MDN1: variants seen among roughly 807,000 people sequenced by gnomAD.
MDN1 encodes the protein midasin AAA ATPase 1.
In MDN1, 266 loss-of-function variants were observed where a neutral mutation model predicts 669.2. That is an observed-to-expected ratio of 0.40 (90% CI 0.36 to 0.44). The LOEUF is 0.44. Among genes scored for constraint, MDN1 ranks in the 20% least tolerant of loss-of-function variants. The pLI is 1.00. For missense variants in MDN1, 5,940 were observed against 6,754.0 expected (o/e 0.88, Z 4.22); for synonymous variants, 2,385 against 2,457.1 (o/e 0.97, Z 0.87).
At chr6:89,662,366 C>T (rs1809856317) in intron 86 of MDN1, 127 bp from the exon 87 acceptor site, 1 of 884,090 alleles carries the variant, frequency 1.1e-6, no homozygotes, top group Non-Finnish European at 1.7e-6. Flanking sequence ...TGATAAAGTG[C>T]CATCCGTGAC....
At chr6:89,804,411 G>A (rs1172231846) in intron 1 of MDN1, among the ~76,000 whole-genome samples, 1 of 152,158 alleles carries the variant, frequency 6.6e-6, no homozygotes, top group African/African-American at 2.4e-5. Context: ...ACTGGAGTTT[G>A]AGGTACAGGG....
intron 83 of MDN1, among the ~76,000 whole-genome samples, chr6:89,669,426 C>T (rs903140465): frequency 1.4e-4 from 22 of 152,302 alleles, no homozygotes; most frequent in Middle Eastern, 6.8e-3. Context: ...ATCATTACTA[C>T]AGATAAACAT....
chr6:89,715,861 C>G, intron 44 of MDN1, 92 bp from the exon 45 acceptor site: 1 of 821,448 alleles, frequency 1.2e-6, no homozygotes. Flanking sequence ...GCTTTTGACT[C>G]ACATTTCCTT....
Position 89,712,041 on chromosome 6 carries a change from C to T in MDN1, c.7646G>A (p.Gly2549Glu), listed in dbSNP as rs1368765542. Residue 2549 changes from glycine to glutamate, a missense_variant, in exon 49 of 102, where the codon GGG becomes GAG. This residue lies in a region of MDN1 where 2,292 missense variants were observed against 2,638.3 expected (regional missense o/e 0.87). Transcript: ENST00000369393. Reference protein sequence around the residue: ...LYHLAKNIPQGLESIQIHLEA... With the variant: ...LYHLAKNIPQELESIQIHLEA... ...AATTAAGCTGTTCTACTCACCAAGC[C>T]CCTGCGGTATATTCTTGGCTAAATG... 1 of 1,612,856 alleles carries T rather than the reference C, an allele frequency of 6.2e-7. No homozygotes were observed. The highest frequency in any genetic ancestry group is 8.5e-7 in the Non-Finnish European group (1 of 1,179,302).
intron 77 of MDN1, 187 bp downstream of exon 77, chr6:89,675,914 TA>T: frequency 3.5e-6 from 2 of 579,012 alleles, no homozygotes; most frequent in Non-Finnish European, 6.0e-6. Flanking sequence ...TAACTGAATT[TA>T]TTTAAGGTGT....
At chr6:89,803,697 C>A in intron 1 of MDN1, 143 bp from the exon 2 acceptor site, 3 of 642,970 alleles carry the variant, frequency 4.7e-6, no homozygotes, top group Non-Finnish European at 7.9e-6. Flanking sequence ...TTCTCCTGCC[C>A]GAGCCGCCCA....
chr6:89,757,626 T>C (rs551020589), intron 19 of MDN1, among the ~76,000 whole-genome samples: 1 of 152,250 alleles, frequency 6.6e-6, no homozygotes, highest in South Asian at 2.1e-4. Context: ...AATCTATAAA[T>C]AAAGAGAATC....
intron 84 of MDN1, among the ~76,000 whole-genome samples, chr6:89,664,998 C>T (rs956817159): frequency 1.3e-5 from 2 of 152,036 alleles, no homozygotes; most frequent in African/African-American, 4.8e-5. Context: ...CTTGGTCATT[C>T]TTCCTTGGTT....
At position 89,768,273 on chromosome 6, in the gene MDN1, T is replaced by C. The variant is rs932445351; in HGVS notation, c.2144+3288A>G. Among the ~76,000 whole-genome samples, 7 of 152,098 alleles carry C rather than the reference T, an allele frequency of 4.6e-5. No individual in the cohort carries two copies. The South Asian group carries it at 8.3e-4, about 18-fold the overall frequency. On this transcript the variant is annotated intron_variant, in intron 15 of 101. Transcript: ENST00000369393. Reference sequence around the variant, plus strand: ...TGTGCAAGGGACAGGTGGGAGGTAATTGAATCATGGGGGTGGGTCTTTCCC... The same window carrying C: ...TGTGCAAGGGACAGGTGGGAGGTAACTGAATCATGGGGGTGGGTCTTTCCC...
Position 89,680,613 on chromosome 6 carries a change from C to G in MDN1, c.12241G>C (p.Val4081Leu), listed in dbSNP as rs778332731. The change falls in exon 74 of 102, where the codon GTG becomes CTG. Residue 4081 changes from valine to leucine, a missense_variant. By Grantham distance (32) the Val-to-Leu change is conservative. Transcript: ENST00000369393. The stretch of plus-strand genomic sequence containing the variant: ...CCTGTGAACTGATCAAGGCCCTCCA[C>G]AAGGCGAGGCAGGGGGCTCTCCTTC... ...FMKESPLPRL[V>L]EGLDQFTGEV... The G allele has an allele frequency of 2.5e-6, 4 of 1,614,192 alleles. No individual in the cohort carries two copies. The Admixed American group carries it at 6.7e-5, about 27-fold the overall frequency.
Position 89,675,496 on chromosome 6 carries a change from C to G in MDN1, c.12729G>C (p.Leu4243=), listed in dbSNP as rs1320396823. 1 of 1,613,722 alleles carries G rather than the reference C, an allele frequency of 6.2e-7. No homozygotes were observed. Among genetic ancestry groups the G allele is most frequent in the Non-Finnish European group, 8.5e-7 (1 of 1,180,026 alleles). The part of the protein sequence containing the change: ...MKMLVRQRRS[L]TTLSEQWIIL... Reference sequence around the variant, plus strand: ...TGATCCACTGCTCACTGAGCGTGGTCAGGGAGCGCCGCTGTCGGACGAGCA... The same window carrying G: ...TGATCCACTGCTCACTGAGCGTGGTGAGGGAGCGCCGCTGTCGGACGAGCA... The change falls in exon 78 of 102, where the codon CTG becomes CTC. Residue 4243 remains leucine, a synonymous_variant. Transcript: ENST00000369393.
intron 5 of MDN1, 109 bp from the exon 6 acceptor site, chr6:89,790,510 A>T: frequency 6.1e-6 from 8 of 1,313,468 alleles, no homozygotes; most frequent in Non-Finnish European, 7.5e-6. Flanking sequence ...TCTGTAAGTA[A>T]ATTAGTAGTA....
chr6:89,682,573 T>G (rs1021753192), intron 73 of MDN1, among the ~76,000 whole-genome samples: 1 of 151,312 alleles, frequency 6.6e-6, no homozygotes. Context: ...CCAGGCGTGG[T>G]GGTGGGCACC....
intron 31 of MDN1, among the ~76,000 whole-genome samples, chr6:89,741,579 T>C (rs1816302049): frequency 6.6e-6 from 1 of 152,028 alleles, no homozygotes; most frequent in African/African-American, 2.4e-5. Flanking sequence ...CCTTCCCAAT[T>C]GCTCCTATAA....
chr6:89,735,990 T>A (rs2128316105), intron 33 of MDN1, among the ~76,000 whole-genome samples: 1 of 152,276 alleles, frequency 6.6e-6, no homozygotes, highest in Admixed American at 6.5e-5. Flanking sequence ...ATAGCAAGAC[T>A]GTGTCTCAAA....
chr6:89,789,716 A>T (rs1819148973), intron 7 of MDN1, 64 bp downstream of exon 7: 2 of 1,515,114 alleles, frequency 1.3e-6, no homozygotes. Flanking sequence ...ATCACTATTA[A>T]CAAAATGCTT....
chr6:89,761,500 G>T, intron 17 of MDN1, 145 bp downstream of exon 17: 2 of 500,082 alleles, frequency 4.0e-6, no homozygotes, highest in Non-Finnish European at 3.5e-6. Flanking sequence ...TCTTATAATT[G>T]CCATAATTAC....
intron 1 of MDN1, among the ~76,000 whole-genome samples, chr6:89,814,420 T>C (rs1768669802): frequency 6.7e-6 from 1 of 149,432 alleles, no homozygotes; most frequent in African/African-American, 2.5e-5. Context: ...AGAGTCTCTC[T>C]GCTATGTTGC....
chr6:89,697,863 T>C (rs1462906211), intron 59 of MDN1, among the ~76,000 whole-genome samples: 1 of 152,110 alleles, frequency 6.6e-6, no homozygotes, highest in Non-Finnish European at 1.5e-5. Flanking sequence ...ATTACAGGCG[T>C]GAGCTACAGC....
Sources: gnomAD v4.1 joint callset for allele counts (sites outside exome capture counted in the v4.1 genomes callset) on GRCh38, gnomAD v4.1.1 for gene constraint, gnomAD v4.1.1 regional missense constraint, MANE v1.5 for transcripts, NCBI Gene and HGNC (gene_info 2026-07-23, HGNC 2026-07-21) for gene names.